ARID4B: variants seen among roughly 807,000 people sequenced by gnomAD.
The protein encoded by ARID4B is AT-rich interactive domain-containing protein 4B.
ARID4B carries 26 observed loss-of-function variants against 147.5 expected under a neutral mutation model. The ratio of observed to expected loss-of-function variants is 0.18; its 90% confidence interval spans 0.13 to 0.24. The LOEUF (loss-of-function observed/expected upper bound fraction) is 0.24. ARID4B is among the 10% of genes least tolerant of loss of function. The probability of loss-of-function intolerance (pLI) is 1.00; values close to 1 mark genes in which losing one functional copy is unlikely to be tolerated. For missense variants in ARID4B, 1,179 were observed against 1,511.5 expected (o/e 0.78, Z 3.65); for synonymous variants, 512 against 507.9 (o/e 1.01, Z -0.11).
intron 6 of ARID4B, 36 bp from the exon 7 acceptor site, chr1:235,246,547 C>T (rs756970674): frequency 6.1e-6 from 9 of 1,479,268 alleles, no homozygotes; most frequent in Non-Finnish European, 8.5e-6. Flanking sequence ...AAAAAATTAA[C>T]ACTTTGCAAG....
At chr1:235,191,925 A>G (rs1665139293) in intron 19 of ARID4B, among the ~76,000 whole-genome samples, 4 of 152,148 alleles carry the variant, frequency 2.6e-5, no homozygotes, top group Admixed American at 2.6e-4. Flanking sequence ...AAAAACTACA[A>G]AAAATAGCCT....
intron 17 of ARID4B, among the ~76,000 whole-genome samples, chr1:235,199,604 A>G (rs1326467837): frequency 6.6e-6 from 1 of 152,204 alleles, no homozygotes; most frequent in African/African-American, 2.4e-5. Context: ...TCTAACACGA[A>G]AATAACGGTA....
chr1:235,234,251 TTAAGA>T (rs1172142327), intron 9 of ARID4B, among the ~76,000 whole-genome samples, 157 bp downstream of exon 9: 1 of 152,074 alleles, frequency 6.6e-6, no homozygotes, highest in Admixed American at 6.6e-5. Flanking sequence ...CTACAACACA[TTAAGA>T]TAATATGAAA....
At chr1:235,208,037 T>C (rs183266745) in intron 17 of ARID4B, among the ~76,000 whole-genome samples, 4 of 152,334 alleles carry the variant, frequency 2.6e-5, no homozygotes, top group African/African-American at 9.6e-5. Flanking sequence ...GCTGGTGATC[T>C]TCAACATACA....
At chr1:235,299,180 C>T (rs1672958004) in intron 2 of ARID4B, among the ~76,000 whole-genome samples, 1 of 152,118 alleles carries the variant, frequency 6.6e-6, no homozygotes, top group Non-Finnish European at 1.5e-5. Context: ...ACATAAGAAG[C>T]TTTTTGGTGT....
In ARID4B at chr1:235,301,039, T is replaced by C. The variant is rs568312457; in HGVS notation, c.6+25875A>G. Among the ~76,000 whole-genome samples the C allele has an allele frequency of 1.4e-3, 116 of 84,760 alleles. 2 individuals are homozygous for C. Among genetic ancestry groups the C allele is most frequent in the African/African-American group, 2.3e-3 (29 of 12,604 alleles). The allele number at this position is 84,760 out of a possible 152,430, so 55.6% of individuals were successfully genotyped here. A position where few individuals can be genotyped will look rare whatever the true frequency, so the allele number is the denominator to read the frequency against. On this transcript the variant is annotated intron_variant, in intron 2 of 23. Coordinates refer to ENST00000264183, the MANE Select transcript of ARID4B (RefSeq NM_016374.6). The stretch of plus-strand genomic sequence containing the variant: ...CAACAATACATTTTTTTAAGTATTC[T>C]TTTTTTTTTTTTTTTTTTTTTTTTA...
intron 12 of ARID4B, 46 bp downstream of exon 12, chr1:235,224,657 A>G (rs550560204): frequency 2.4e-6 from 3 of 1,266,580 alleles, no homozygotes; most frequent in Admixed American, 3.9e-5. Flanking sequence ...GATACTAATT[A>G]TCTGTCCAAA....
At chr1:235,276,005 C>T (rs921612558) in intron 2 of ARID4B, among the ~76,000 whole-genome samples, 1 of 152,024 alleles carries the variant, frequency 6.6e-6, no homozygotes, top group Non-Finnish European at 1.5e-5. Flanking sequence ...GGCGTGGTAG[C>T]ACACACCTGT....
intron 18 of ARID4B, among the ~76,000 whole-genome samples, chr1:235,195,096 A>T (rs1184201175): frequency 6.6e-6 from 1 of 152,192 alleles, no homozygotes; most frequent in East Asian, 1.9e-4. Context: ...AGCATGAGTT[A>T]GCAGTAAGCA....
intron 2 of ARID4B, among the ~76,000 whole-genome samples, chr1:235,286,798 A>C (rs768975780): frequency 2.6e-5 from 4 of 152,182 alleles, no homozygotes; most frequent in Non-Finnish European, 5.9e-5. Flanking sequence ...AATGTGAAAA[A>C]CAGATACCAA....
intron 17 of ARID4B, among the ~76,000 whole-genome samples, chr1:235,205,205 G>A (rs568136907): frequency 1.4e-4 from 22 of 151,842 alleles, no homozygotes; most frequent in Non-Finnish European, 2.8e-4. Context: ...AGTACAGCAG[G>A]GATCAGATTA....
intron 11 of ARID4B, among the ~76,000 whole-genome samples, chr1:235,225,463 G>A (rs1488708786): frequency 6.6e-6 from 1 of 152,248 alleles, no homozygotes; most frequent in Non-Finnish European, 1.5e-5. Context: ...CCTGCAAGGA[G>A]CAGGGTAGTA....
At chr1:235,284,460 C>T (rs1289537288) in intron 2 of ARID4B, among the ~76,000 whole-genome samples, 3 of 152,184 alleles carry the variant, frequency 2.0e-5, no homozygotes, top group African/African-American at 7.2e-5. Flanking sequence ...AATTTAATTA[C>T]ATATACTTCA....
chr1:235,242,432 T>C (rs1669048620), intron 7 of ARID4B, among the ~76,000 whole-genome samples: 1 of 152,176 alleles, frequency 6.6e-6, no homozygotes, highest in African/African-American at 2.4e-5. Context: ...CTACTTGATT[T>C]ACAAGAGCTT....
At chr1:235,213,185 G>T (rs1666817202) in intron 17 of ARID4B, among the ~76,000 whole-genome samples, 2 of 152,080 alleles carry the variant, frequency 1.3e-5, no homozygotes, top group South Asian at 4.1e-4. Context: ...AGTTCCCTAG[G>T]TTAGGAGCAG....
At chr1:235,267,091 A>G (rs1046798251) in intron 2 of ARID4B, among the ~76,000 whole-genome samples, 1 of 152,200 alleles carries the variant, frequency 6.6e-6, no homozygotes, top group African/African-American at 2.4e-5. Flanking sequence ...CAGCTTGGGT[A>G]ACAGGGTGAA....
chr1:235,251,213 A>C (rs1276623642), intron 6 of ARID4B, among the ~76,000 whole-genome samples: 5 of 135,114 alleles, frequency 3.7e-5, no homozygotes, highest in Non-Finnish European at 6.7e-5. Context: ...CAAAAATGAG[A>C]AAAGTTAAAA....
chr1:235,256,452 T>G (rs1448929469), intron 4 of ARID4B, among the ~76,000 whole-genome samples: 1 of 152,138 alleles, frequency 6.6e-6, no homozygotes, highest in Non-Finnish European at 1.5e-5. Flanking sequence ...GCTCTGGGGT[T>G]TCCTTTTGGC....
chr1:235,213,747 C>G lies in ARID4B; in HGVS notation c.1841+22G>C, dbSNP rs750855743. The G allele has an allele frequency of 3.8e-6, 6 of 1,594,776 alleles. No individual in the cohort carries two copies. In the Admixed American group the frequency reaches 8.7e-5, roughly 23 times the overall value. On this transcript the variant is annotated intron_variant, in intron 17 of 23. Transcript: ENST00000264183. ...TTTATAATTGTTTTTAGGTAATAAT[C>G]ACTAGCTAAAACTCAAGTTACCTCA...
Sources: allele counts gnomAD v4.1 joint callset (sites outside exome capture counted in the v4.1 genomes callset), GRCh38; gene constraint gnomAD v4.1.1; transcripts MANE v1.5; gene names NCBI Gene and HGNC (gene_info 2026-07-23, HGNC 2026-07-21).